ABHD2: variants seen among roughly 807,000 people sequenced by gnomAD.
The protein encoded by ABHD2 is abhydrolase domain containing 2, acylglycerol lipase.
Under a neutral mutation model 48.1 loss-of-function variants are expected in ABHD2, and 20 were observed. The observed-to-expected ratio is 0.42, with a 90% CI of 0.29 to 0.60. The LOEUF is 0.60. Among genes scored for constraint, ABHD2 ranks in the 20% least tolerant of loss-of-function variants. The pLI is 0.24. For missense variants in ABHD2, 405 were observed against 550.9 expected (o/e 0.74, Z 2.65); for synonymous variants, 209 against 214.2 (o/e 0.98, Z 0.21).
chr15:89,083,249 C>T (rs1359485140), upstream of ABHD2, among the ~76,000 whole-genome samples: 1 of 152,136 alleles, frequency 6.6e-6, no homozygotes, highest in East Asian at 1.9e-4. This position sits in a 1 kb window ranked among gnomAD's most constrained non-coding sequence, Gnocchi z 5.1. Context: ...AGCTCAATAA[C>T]ATAAAATTAT....
rs117839157 is a variant in ABHD2, at chr15:89,184,641, C to T, written c.723-783C>T. ...ACATCTGGCTGGGGAAGCACATGGC[C>T]AGGGCTGGTGGTGCTGTCTCCTCCC... On this transcript the variant is annotated intron_variant, in intron 6 of 10. Transcript: ENST00000352732. The surrounding 1 kb of genome is among the most constrained non-coding windows in gnomAD (Gnocchi z 5.1). Among the ~76,000 whole-genome samples, 280 of 152,316 alleles carry T rather than the reference C, an allele frequency of 1.8e-3. No individual in the cohort carries two copies. The highest frequency in any genetic ancestry group is 3.1e-3 in the Non-Finnish European group (213 of 68,032).
intron 1 of ABHD2, among the ~76,000 whole-genome samples, chr15:89,098,534 C>G (rs2049650788): frequency 6.6e-6 from 1 of 152,154 alleles, no homozygotes; most frequent in Non-Finnish European, 1.5e-5. Flanking sequence ...CCTTGTGTGG[C>G]CTGAACTGTA....
At chr15:89,089,780 G>T (rs1460261793) in intron 1 of ABHD2, among the ~76,000 whole-genome samples, 3 of 152,200 alleles carry the variant, frequency 2.0e-5, no homozygotes, top group Non-Finnish European at 4.4e-5. Flanking sequence ...ATAATCTAAA[G>T]GTCAGGAGGC....
At chr15:89,083,671 A>T (rs554929377), upstream of ABHD2, among the ~76,000 whole-genome samples, 1 of 152,344 alleles carries the variant, frequency 6.6e-6, no homozygotes, top group Non-Finnish European at 1.5e-5. This position sits in a 1 kb window ranked among gnomAD's most constrained non-coding sequence, Gnocchi z 5.1. Context: ...AGGAGTGTTC[A>T]TCTTATGATT....
chr15:89,149,320 A>G (rs545169664), intron 3 of ABHD2, among the ~76,000 whole-genome samples: 16 of 152,274 alleles, frequency 1.1e-4, no homozygotes, highest in Middle Eastern at 3.4e-3. Context: ...GCCTAACGCC[A>G]ATCATGTAAT....
chr15:89,158,161 T>A (rs975500369), intron 5 of ABHD2, among the ~76,000 whole-genome samples: 3 of 152,128 alleles, frequency 2.0e-5, no homozygotes, highest in Admixed American at 6.5e-5. Flanking sequence ...AGTACTGATG[T>A]CACATGTAGG....
the ABHD2 span, among the ~76,000 whole-genome samples, chr15:89,051,889 G>A: frequency 6.6e-6 from 1 of 152,142 alleles, no homozygotes; most frequent in Non-Finnish European, 1.5e-5. Flanking sequence ...TCAATATTGA[G>A]GGTACATATA....
At chr15:89,049,413 C>G in the ABHD2 span, among the ~76,000 whole-genome samples, 1 of 152,232 alleles carries the variant, frequency 6.6e-6, no homozygotes, top group Admixed American at 6.5e-5. Flanking sequence ...GTGGTGGGCT[C>G]CACCCTGTTC....
At chr15:89,119,843 A>C (rs2050019667) in intron 3 of ABHD2, among the ~76,000 whole-genome samples, 3 of 152,194 alleles carry the variant, frequency 2.0e-5, no homozygotes, top group African/African-American at 7.2e-5. Flanking sequence ...ATGTGTTGAA[A>C]GCTAAGGGCA....
chr15:89,075,326 C>T, the ABHD2 span: 1 of 152,220 alleles, frequency 6.6e-6, no homozygotes, highest in Non-Finnish European at 1.5e-5. The surrounding 1 kb of genome is among the most constrained non-coding windows in gnomAD (Gnocchi z 4.1). Flanking sequence ...GAATGAACTC[C>T]ACAGGAAGAT....
In ABHD2 at chr15:89,155,652, G is replaced by C; in HGVS notation, c.538+118G>C. On this transcript the variant is annotated intron_variant, in intron 5 of 10. Coordinates refer to ENST00000352732, the MANE Select transcript of ABHD2 (RefSeq NM_152924.5). The surrounding 1 kb of genome is among the most constrained non-coding windows in gnomAD (Gnocchi z 4.9). ...TATGCCCATCTGCAAGAGATGGTAGGTCACACGGTTATATCAACAGCCAAC... is the reference window on the plus strand; with the variant it reads ...TATGCCCATCTGCAAGAGATGGTAGCTCACACGGTTATATCAACAGCCAAC... 7.7e-7 allele frequency: 1 copy of C among 1,295,726 alleles called. No homozygotes were observed. The highest frequency in any genetic ancestry group is 1.1e-6 in the Non-Finnish European group (1 of 945,928). The allele number at this position is 1,295,726 out of a possible 1,614,324, so 80.3% of individuals were successfully genotyped here.
chr15:89,085,139 C>T (rs949989031), upstream of ABHD2, among the ~76,000 whole-genome samples: 9 of 152,054 alleles, frequency 5.9e-5, no homozygotes. The surrounding 1 kb of genome is among the most constrained non-coding windows in gnomAD (Gnocchi z 4.2). Context: ...CTGCAGAGGC[C>T]CCAGTTGAGT....
rs532993535 is a variant in ABHD2, at chr15:89,197,203, C to T, written c.*1780C>T. On this transcript the variant is annotated 3_prime_UTR_variant, in exon 11 of 11. Coordinates refer to ENST00000352732, the MANE Select transcript of ABHD2 (RefSeq NM_152924.5). The surrounding 1 kb of genome is among the most constrained non-coding windows in gnomAD (Gnocchi z 4.4). ...GTTTTCTGACAATCACCAAATCATC[C>T]GAATGACATCAAAAGCAGCCCTTAT... is the stretch of plus-strand genomic sequence containing the variant. The T allele has an allele frequency of 3.3e-5, 5 of 152,724 alleles. No individual in the cohort carries two copies. The highest frequency in any genetic ancestry group is 2.1e-4 in the South Asian group (1 of 4,830). The allele number at this position is 152,724 out of a possible 1,614,324, so 9.5% of individuals were successfully genotyped here. A position where few individuals can be genotyped will look rare whatever the true frequency, so the allele number is the denominator to read the frequency against.
In ABHD2 at chr15:89,201,039, G is replaced by T. The variant is rs888692561; in HGVS notation, c.*5616G>T. 4 of 669,914 alleles carry T rather than the reference G, an allele frequency of 6.0e-6. No individual in the cohort carries two copies. The highest frequency in any genetic ancestry group is 1.1e-5 in the Non-Finnish European group (4 of 375,764). The allele number at this position is 669,914 out of a possible 1,614,324, so 41.5% of individuals were successfully genotyped here. ...GGAGGTTGCAGTGAGCCGAGATCACGCCTCTGCACTCCAGCCTGGGCAACA... is the reference window on the plus strand; with the variant it reads ...GGAGGTTGCAGTGAGCCGAGATCACTCCTCTGCACTCCAGCCTGGGCAACA... On this transcript the variant is annotated 3_prime_UTR_variant, in exon 11 of 11. Transcript: ENST00000352732.
intron 1 of ABHD2, among the ~76,000 whole-genome samples, chr15:89,089,129 C>T (rs184026559): frequency 2.9e-4 from 44 of 152,368 alleles, no homozygotes; most frequent in African/African-American, 1.0e-3. Flanking sequence ...GCTTTTCCCA[C>T]AGCTAGAGCT....
chr15:89,201,249 C>CT lies in ABHD2; in HGVS notation c.*5827dup, dbSNP rs2051462686. The CT allele has an allele frequency of 3.2e-6, 4 of 1,252,140 alleles. No homozygotes were observed. The highest frequency in any genetic ancestry group is 4.6e-6 in the Non-Finnish European group (4 of 867,770). The allele number at this position is 1,252,140 out of a possible 1,614,324, so 77.6% of individuals were successfully genotyped here. On this transcript the variant is annotated 3_prime_UTR_variant, in exon 11 of 11. Transcript: ENST00000352732. ...TCATCTCTCAGGTGTTGATTTGCTT[C>CT]TGATAGCTTCATCATTTCTCCCTGA...
intron 1 of ABHD2, among the ~76,000 whole-genome samples, chr15:89,095,096 C>A (rs1026792536): frequency 3.3e-5 from 5 of 150,022 alleles, no homozygotes; most frequent in African/African-American, 1.2e-4. Context: ...GATATTTTAG[C>A]ACCAAAAATG....
In ABHD2 at chr15:89,195,502, C is replaced by G. The variant is rs1294104282; in HGVS notation, c.*79C>G. On this transcript the variant is annotated 3_prime_UTR_variant, in exon 11 of 11. Transcript: ENST00000352732. The surrounding 1 kb of genome is among the most constrained non-coding windows in gnomAD (Gnocchi z 5.1). ...TCACCCCCTGTTTCAGGTCTCCCAT[C>G]TCCCTCAGTGACCTGGATCTGACCT... 12 of 1,472,116 alleles carry G rather than the reference C, an allele frequency of 8.2e-6. No individual in the cohort carries two copies. Among genetic ancestry groups the G allele is most frequent in the Non-Finnish European group, 1.0e-5 (11 of 1,095,152 alleles). The allele number at this position is 1,472,116 out of a possible 1,614,324, so 91.2% of individuals were successfully genotyped here. A position where few individuals can be genotyped will look rare whatever the true frequency, so the allele number is the denominator to read the frequency against.
rs1237529277 is a variant in ABHD2 at position 89,182,298 on chromosome 15, TTCAC to T, written c.723-3123_723-3120del. Among the ~76,000 whole-genome samples, 1 of 152,192 alleles carries T rather than the reference TTCAC, an allele frequency of 6.6e-6. No individual in the cohort carries two copies. Among genetic ancestry groups the T allele is most frequent in the African/African-American group, 2.4e-5 (1 of 41,456 alleles). On this transcript the variant is annotated intron_variant, in intron 6 of 10. Transcript: ENST00000352732. This position sits in a 1 kb window ranked among gnomAD's most constrained non-coding sequence, Gnocchi z 4.8. ...GAAACCTACCCTCCTTCCAGCAAGA[TTCAC>T]TCTGAATTTTGCAAAGCCATTCCCT...
Sources: allele counts gnomAD v4.1 joint callset (sites outside exome capture counted in the v4.1 genomes callset), GRCh38; gene constraint gnomAD v4.1.1; non-coding constraint Gnocchi (gnomAD v3.1); transcripts MANE v1.5; gene names NCBI Gene and HGNC (gene_info 2026-07-23, HGNC 2026-07-21).